Variants in PIEZO2 observed in about 807,000 individuals in gnomAD.
PIEZO2 encodes piezo type mechanosensitive ion channel component 2.
Under a neutral mutation model 337.3 loss-of-function variants are expected in PIEZO2, and 172 were observed. The ratio of observed to expected loss-of-function variants is 0.51; its 90% CI spans 0.45 to 0.58. PIEZO2 has a LOEUF of 0.58. Ranked by LOEUF, PIEZO2 falls within the 20% of genes least tolerant of loss-of-function variation. PIEZO2 has a pLI of 0.00. For synonymous variants in PIEZO2, 1,251 were observed against 1,228.5 expected (o/e 1.02, Z -0.38); for missense variants, 3,028 against 3,391.3 (o/e 0.89, Z 2.66).
At position 10,783,412 on chromosome 18, in the gene PIEZO2, T is replaced by C. The variant is rs1327091705; in HGVS notation, c.2492+1372A>G. ...TGATTATTGACAATTCTCACTTTTA[T>C]GTGCAGGCATTCTCTTTGTAAACTT... is the stretch of plus-strand genomic sequence containing the variant. On this transcript the variant is annotated intron_variant, in intron 17 of 55. Transcript: ENST00000674853. The surrounding 1 kb of genome is among the most constrained non-coding windows in gnomAD (Gnocchi z 4.3). Among the ~76,000 whole-genome samples, 2 of 152,238 alleles carry C rather than the reference T, an allele frequency of 1.3e-5. No homozygotes were observed. The highest frequency in any genetic ancestry group is 4.8e-5 in the African/African-American group (2 of 41,462).
At chr18:10,918,313 C>T (rs455277) in intron 3 of PIEZO2, among the ~76,000 whole-genome samples, 137,164 of 152,012 alleles carry the variant, frequency 0.9, 62,084 homozygotes, top group East Asian at 1. Flanking sequence ...TTTAATGACA[C>T]ATTGTTTTTT....
Position 10,979,748 on chromosome 18 carries a change from T to TTA in PIEZO2, c.161-90_161-89dup, listed in dbSNP as rs2034593963. On this transcript the variant is annotated intron_variant, in intron 2 of 55. Coordinates refer to ENST00000674853, the MANE Select transcript of PIEZO2 (RefSeq NM_001378183.1). The surrounding 1 kb of genome is among the most constrained non-coding windows in gnomAD (Gnocchi z 4.0). ...CTTGTACATATTTCTGTATAACCTA[T>TTA]TAGATAGACCGACTCAAAAGTATAT... The TTA allele has an allele frequency of 8.2e-7, 1 of 1,218,964 alleles. No individual in the cohort carries two copies. Among genetic ancestry groups the TTA allele is most frequent in the Non-Finnish European group, 1.1e-6 (1 of 933,968 alleles). 75.5% of individuals were successfully genotyped at this position (1,218,964 alleles called of 1,614,324 possible).
intron 3 of PIEZO2, among the ~76,000 whole-genome samples, chr18:10,933,698 G>A (rs264251): frequency 0.052 from 7,933 of 152,230 alleles, 367 homozygotes; most frequent in African/African-American, 0.12. Context: ...ATGAAGGGGC[G>A]GTGACATGAT....
Position 10,750,553 on chromosome 18 carries a change from C to T in PIEZO2, c.4168-366G>A, listed in dbSNP as rs929531612. ...TTTGGTAGAGTTATTTTCTTACAAG[C>T]CAGACACATATAACCTATGCTCTTC... On this transcript the variant is annotated intron_variant, in intron 28 of 55. Coordinates refer to ENST00000674853, the MANE Select transcript of PIEZO2 (RefSeq NM_001378183.1). The surrounding 1 kb of genome is among the most constrained non-coding windows in gnomAD (Gnocchi z 4.1). 2.0e-5 allele frequency among the ~76,000 whole-genome samples: 3 copies of T among 152,142 alleles called. No individual in the cohort carries two copies. Among genetic ancestry groups the T allele is most frequent in the African/African-American group, 7.2e-5 (3 of 41,434 alleles).
chr18:11,042,201 G>T (rs977913067), intron 2 of PIEZO2, among the ~76,000 whole-genome samples: 2 of 152,110 alleles, frequency 1.3e-5, no homozygotes, highest in African/African-American at 2.4e-5. Context: ...TAAGAAATCC[G>T]CCTGTAAAGA....
rs1162384630 is a variant in PIEZO2 at position 10,807,098 on chromosome 18, G to A, written c.1080+14C>T. ...ACTTTGCAGACAAGATCATGAAAAT[G>A]TTTTTGTCCTTACAAGGGGCTCTTG... On this transcript the variant is annotated intron_variant, in intron 8 of 55. Transcript: ENST00000674853. The A allele has an allele frequency of 2.6e-6, 4 of 1,530,552 alleles. No individual in the cohort carries two copies. Among genetic ancestry groups the A allele is most frequent in the East Asian group, 4.9e-5 (2 of 40,774 alleles). The allele number at this position is 1,530,552 out of a possible 1,614,324, so 94.8% of individuals were successfully genotyped here. A position where few individuals can be genotyped will look rare whatever the true frequency, so the allele number is the denominator to read the frequency against.
Position 11,111,691 on chromosome 18 carries a change from G to A in PIEZO2, c.64+36834C>T, listed in dbSNP as rs895408117. Reference sequence around the variant, plus strand: ...ATCCAATCCCCACTTAATTGAAGTCGACAAGGCTTCTTGAACTGACACCGT... The same window carrying A: ...ATCCAATCCCCACTTAATTGAAGTCAACAAGGCTTCTTGAACTGACACCGT... On this transcript the variant is annotated intron_variant, in intron 1 of 55. Transcript: ENST00000674853. This position sits in a 1 kb window ranked among gnomAD's most constrained non-coding sequence, Gnocchi z 6.2. 6.6e-6 allele frequency among the ~76,000 whole-genome samples: 1 copy of A among 152,104 alleles called. No homozygotes were observed. Among genetic ancestry groups the A allele is most frequent in the Non-Finnish European group, 1.5e-5 (1 of 68,030 alleles).
rs1020196755 is a variant in PIEZO2, at chr18:11,066,020, C to T, written c.160+107G>A. On this transcript the variant is annotated intron_variant, in intron 2 of 55. Coordinates refer to ENST00000674853, the MANE Select transcript of PIEZO2 (RefSeq NM_001378183.1). The stretch of plus-strand genomic sequence containing the variant: ...CCCACTCCATGCCATATTAGCCCTG[C>T]TGCATAGATAACATCTCTGCCATTA... 6.9e-5 allele frequency: 58 copies of T among 845,052 alleles called. No homozygotes were observed. In the Admixed American group the frequency reaches 1.3e-3, roughly 20 times the overall value. 52.3% of individuals were successfully genotyped at this position (845,052 alleles called of 1,614,324 possible).
intron 44 of PIEZO2, among the ~76,000 whole-genome samples, chr18:10,698,523 A>G (rs1175433398): frequency 1.3e-5 from 2 of 152,230 alleles, no homozygotes; most frequent in African/African-American, 4.8e-5. Context: ...AAATAACCAT[A>G]GTTTGGCTAA....
At chr18:11,042,255 G>A (rs975094627) in intron 2 of PIEZO2, among the ~76,000 whole-genome samples, 1 of 152,106 alleles carries the variant, frequency 6.6e-6, no homozygotes, top group African/African-American at 2.4e-5. Context: ...TCTAGCCCTC[G>A]TCCCCACAGT....
intron 49 of PIEZO2, among the ~76,000 whole-genome samples, chr18:10,688,319 C>T (rs1014897239): frequency 6.6e-6 from 1 of 152,206 alleles, no homozygotes; most frequent in Non-Finnish European, 1.5e-5. Context: ...ATCCATGTAT[C>T]TGCAAACGAC....
At chr18:10,947,451 T>C (rs2145290664) in intron 3 of PIEZO2, among the ~76,000 whole-genome samples, 1 of 152,154 alleles carries the variant, frequency 6.6e-6, no homozygotes, top group Non-Finnish European at 1.5e-5. Context: ...AATAAAGAGA[T>C]TGCAAGTAAA....
At chr18:10,882,202 A>G (rs2042439836) in intron 4 of PIEZO2, among the ~76,000 whole-genome samples, 2 of 152,336 alleles carry the variant, frequency 1.3e-5, no homozygotes, top group African/African-American at 4.8e-5. Context: ...TTCCGTGACC[A>G]TGGCAGGACT....
intron 47 of PIEZO2, among the ~76,000 whole-genome samples, chr18:10,693,083 G>A (rs12969695): frequency 0.36 from 54,679 of 151,882 alleles, 9,854 homozygotes; most frequent in Non-Finnish European, 0.38. Flanking sequence ...CATTGTACAA[G>A]TCTTGTACAT....
intron 1 of PIEZO2, among the ~76,000 whole-genome samples, chr18:11,130,942 G>A (rs2040323137): frequency 6.6e-6 from 1 of 152,226 alleles, no homozygotes; most frequent in Admixed American, 6.5e-5. Context: ...CTGCCACATG[G>A]ACCATATGAC....
At position 10,819,780 on chromosome 18, in the gene PIEZO2, G is replaced by C. The variant is rs1002424780; in HGVS notation, c.918-12506C>G. 1.3e-5 allele frequency among the ~76,000 whole-genome samples: 2 copies of C among 152,164 alleles called. No individual in the cohort carries two copies. Among genetic ancestry groups the C allele is most frequent in the African/African-American group, 4.8e-5 (2 of 41,446 alleles). On this transcript the variant is annotated intron_variant, in intron 7 of 55. Coordinates refer to ENST00000674853, the MANE Select transcript of PIEZO2 (RefSeq NM_001378183.1). The surrounding 1 kb of genome is among the most constrained non-coding windows in gnomAD (Gnocchi z 4.3). ...ATCTCATTTCAAGAGCTTGTAATTT[G>C]TAGAGCTAAGCTTCTACCTGAAATC...
At position 10,954,148 on chromosome 18, in the gene PIEZO2, T is replaced by C. The variant is rs1016604595; in HGVS notation, c.286+25387A>G. On this transcript the variant is annotated intron_variant, in intron 3 of 55. Coordinates refer to ENST00000674853, the MANE Select transcript of PIEZO2 (RefSeq NM_001378183.1). This position sits in a 1 kb window ranked among gnomAD's most constrained non-coding sequence, Gnocchi z 4.2. ...AAATTTTTATTTTTCATTTTCAAAA[T>C]TACTTTGGCTATTGTAGTTTTTTTT... 1.1e-4 allele frequency among the ~76,000 whole-genome samples: 16 copies of C among 152,238 alleles called. 1 individual carries two copies. The highest frequency in any genetic ancestry group is 3.9e-4 in the African/African-American group (16 of 41,458).
In PIEZO2 at chr18:11,003,798, A is replaced by C. The variant is rs1247730197; in HGVS notation, c.161-24138T>G. Among the ~76,000 whole-genome samples, 1 of 152,196 alleles carries C rather than the reference A, an allele frequency of 6.6e-6. No individual in the cohort carries two copies. The highest frequency in any genetic ancestry group is 1.5e-5 in the Non-Finnish European group (1 of 68,034). ...AATCCCACACAGACCTGGGGAGAAC[A>C]AGCAAACTCCACATGGGGGTGGACC... On this transcript the variant is annotated intron_variant, in intron 2 of 55. Transcript: ENST00000674853. The surrounding 1 kb of genome is among the most constrained non-coding windows in gnomAD (Gnocchi z 4.6).
chr18:11,007,851 A>C (rs2035774673), intron 2 of PIEZO2, among the ~76,000 whole-genome samples: 1 of 152,202 alleles, frequency 6.6e-6, no homozygotes, highest in African/African-American at 2.4e-5. Context: ...TTTACAGCCA[A>C]AAGGAATGCT....
Sources: gnomAD v4.1 joint callset for allele counts (sites outside exome capture counted in the v4.1 genomes callset) on GRCh38, gnomAD v4.1.1 for gene constraint, Gnocchi (gnomAD v3.1) non-coding constraint, MANE v1.5 for transcripts, NCBI Gene and HGNC (gene_info 2026-07-23, HGNC 2026-07-21) for gene names.